Variants in FAM169A observed in about 807,000 individuals in gnomAD.
FAM169A encodes the protein soluble lamin-associated protein of 75 kDa.
A neutral mutation model predicts 75.7 loss-of-function variants in FAM169A; 24 were observed. The ratio of observed to expected loss-of-function variants is 0.32; its 90% CI spans 0.23 to 0.45. The LOEUF (loss-of-function observed/expected upper bound fraction) is 0.45. FAM169A is among the 20% of genes least tolerant of loss of function. The pLI is 1.00. For synonymous variants in FAM169A, 271 were observed against 271.0 expected, an observed-to-expected ratio of 1.00 and a Z score of 0.00; for missense variants, 673 against 784.0, an observed-to-expected ratio of 0.86 and a Z score of 1.69.
chr5:74,781,289 A>C lies in FAM169A; in HGVS notation c.*171T>G. Reference sequence around the variant, plus strand: ...AAAAATAGCCTGGAAAATTAAAAACAATGGTGAATTCTACGTTCTAAAGGG... The same window carrying C: ...AAAAATAGCCTGGAAAATTAAAAACCATGGTGAATTCTACGTTCTAAAGGG... On this transcript the variant is annotated 3_prime_UTR_variant, in exon 13 of 13. Coordinates refer to ENST00000687041, the MANE Select transcript of FAM169A (RefSeq NM_001376049.1). The C allele has an allele frequency of 1.9e-6, 1 of 526,224 alleles. No individual in the cohort carries two copies. Among genetic ancestry groups the C allele is most frequent in the Non-Finnish European group, 3.3e-6 (1 of 304,922 alleles). 32.6% of individuals were successfully genotyped at this position (526,224 alleles called of 1,614,324 possible). A position where few individuals can be genotyped will look rare whatever the true frequency, so the allele number is the denominator to read the frequency against.
At chr5:74,805,523 G>C (rs957978360) in intron 6 of FAM169A, among the ~76,000 whole-genome samples, 15 of 105,624 alleles carry the variant, frequency 1.4e-4, no homozygotes, top group Non-Finnish European at 2.3e-4. Context: ...AATGTGCTTC[G>C]CTTTTTTTTT....
chr5:74,782,213 A>C (rs914199109), intron 12 of FAM169A, among the ~76,000 whole-genome samples: 1 of 152,206 alleles, frequency 6.6e-6, no homozygotes, highest in Non-Finnish European at 1.5e-5. Context: ...TTCACATGGT[A>C]ATTTTAATAC....
intron 4 of FAM169A, 46 bp downstream of exon 4, chr5:74,838,919 T>C (rs745685203): frequency 7.6e-7 from 1 of 1,314,150 alleles, no homozygotes; most frequent in Non-Finnish European, 1.1e-6. Context: ...GGAAACACTG[T>C]GAAATGGCCT....
At chr5:74,788,147 C>T (rs866849484) in intron 11 of FAM169A, among the ~76,000 whole-genome samples, 10 of 152,292 alleles carry the variant, frequency 6.6e-5, no homozygotes, top group Middle Eastern at 3.4e-3. Context: ...GGACCCAAAA[C>T]GTCACTGTGG....
At chr5:74,821,878 A>G (rs143209831) in intron 5 of FAM169A, among the ~76,000 whole-genome samples, 3 of 152,306 alleles carry the variant, frequency 2.0e-5, no homozygotes, top group Admixed American at 6.5e-5. Flanking sequence ...AGAAGATCCA[A>G]TGGCCTCACT....
chr5:74,831,862 C>A (rs1007824378), intron 5 of FAM169A, among the ~76,000 whole-genome samples: 3 of 152,104 alleles, frequency 2.0e-5, no homozygotes, highest in Non-Finnish European at 2.9e-5. Flanking sequence ...TTATGAGACA[C>A]GGACAGATCT....
chr5:74,795,792 T>C (rs62366419), intron 11 of FAM169A, among the ~76,000 whole-genome samples: 12,925 of 152,268 alleles, frequency 0.085, 670 homozygotes, highest in Admixed American at 0.16. Flanking sequence ...ATCTCTATTT[T>C]ATCTTCGATA....
chr5:74,817,969 T>C lies in FAM169A; in HGVS notation c.491-3950A>G, dbSNP rs191587310. Among the ~76,000 whole-genome samples, 7 of 152,298 alleles carry C rather than the reference T, an allele frequency of 4.6e-5. 1 individual carries two copies. The highest frequency in any genetic ancestry group is 4.6e-4 in the Admixed American group (7 of 15,286). ...GATATCCAAATGCAAAATAATGATG[T>C]CAGGTACCTTCCTAGAATCATATAC... On this transcript the variant is annotated intron_variant, in intron 5 of 12. Transcript: ENST00000687041.
At position 74,801,029 on chromosome 5, in the gene FAM169A, A is replaced by C. The variant is rs376658347; in HGVS notation, c.954T>G (p.Gly318=). 3.7e-5 allele frequency: 57 copies of C among 1,538,388 alleles called. 1 individual carries two copies. Among genetic ancestry groups the C allele is most frequent in the Non-Finnish European group, 4.5e-5 (52 of 1,145,052 alleles). ...LKDAFASTSE[G]HDKTSVSTHT... is the part of the protein sequence containing the mutation. Reference sequence around the variant, plus strand: ...GAGTGGAAACAGATGTTTTATCATGACCTGAGGAGAAAAACAGCAAAACTG... The same window carrying C: ...GAGTGGAAACAGATGTTTTATCATGCCCTGAGGAGAAAAACAGCAAAACTG... Residue 318 remains glycine (G), a splice_region_variant and synonymous_variant, in exon 10 of 13, where the codon GGT becomes GGG. Transcript: ENST00000687041.
At chr5:74,819,023 C>T (rs980320056) in intron 5 of FAM169A, among the ~76,000 whole-genome samples, 6 of 152,018 alleles carry the variant, frequency 3.9e-5, no homozygotes, top group East Asian at 1.9e-4. Context: ...AGTTCAAGAC[C>T]GGCGTGGCCA....
intron 1 of FAM169A, among the ~76,000 whole-genome samples, chr5:74,853,761 G>A (rs1386902312): frequency 1.6e-5 from 2 of 129,026 alleles, no homozygotes; most frequent in African/African-American, 6.1e-5. Flanking sequence ...AGGCTGCAGT[G>A]CAGTGGCGCC....
At chr5:74,806,271 C>T (rs1746878883) in intron 6 of FAM169A, among the ~76,000 whole-genome samples, 3 of 152,152 alleles carry the variant, frequency 2.0e-5, no homozygotes, top group Middle Eastern at 6.8e-3. Flanking sequence ...CTACAACTTG[C>T]CAAATGACAG....
At chr5:74,783,485 A>G (rs975556170) in intron 11 of FAM169A, among the ~76,000 whole-genome samples, 3 of 152,168 alleles carry the variant, frequency 2.0e-5, no homozygotes, top group Non-Finnish European at 4.4e-5. Context: ...GAACTTTTTC[A>G]GGAAAAAGGC....
intron 4 of FAM169A, among the ~76,000 whole-genome samples, chr5:74,836,326 GTTT>G (rs61031952): frequency 0.092 from 13,943 of 152,004 alleles, 1,586 homozygotes; most frequent in African/African-American, 0.27. Flanking sequence ...CTTTCTCTTT[GTTT>G]TTTAATTCTG....
intron 6 of FAM169A, among the ~76,000 whole-genome samples, chr5:74,805,547 T>G (rs1238036971): frequency 1.6e-5 from 2 of 124,828 alleles, no homozygotes; most frequent in Non-Finnish European, 3.3e-5. Context: ...TTTTTTTTTT[T>G]GGAGATGGAG....
intron 1 of FAM169A, among the ~76,000 whole-genome samples, chr5:74,860,146 A>G (rs533348868): frequency 3.1e-4 from 47 of 152,370 alleles, no homozygotes; most frequent in Middle Eastern, 3.4e-3. Flanking sequence ...TAGAAACAGC[A>G]AAGTCAGGAT....
At chr5:74,802,434 T>C (rs1178415901) in intron 8 of FAM169A, among the ~76,000 whole-genome samples, 1 of 151,970 alleles carries the variant, frequency 6.6e-6, no homozygotes, top group East Asian at 1.9e-4. Flanking sequence ...CTGCTTAGAA[T>C]ACAAATTCTC....
At chr5:74,787,410 G>A (rs1199866152) in intron 11 of FAM169A, among the ~76,000 whole-genome samples, 3 of 152,202 alleles carry the variant, frequency 2.0e-5, no homozygotes, top group Non-Finnish European at 4.4e-5. Context: ...AGATCCAAAG[G>A]CTTAGAGAGA....
At chr5:74,794,063 G>A (rs1399648052) in intron 11 of FAM169A, among the ~76,000 whole-genome samples, 1 of 150,876 alleles carries the variant, frequency 6.6e-6, no homozygotes, top group Non-Finnish European at 1.5e-5. Context: ...TTTCATGAGG[G>A]TGGGTATGGT....
Sources: gnomAD v4.1 joint callset for allele counts (sites outside exome capture counted in the v4.1 genomes callset) on GRCh38, gnomAD v4.1.1 for gene constraint, MANE v1.5 for transcripts, NCBI Gene and HGNC (gene_info 2026-07-23, HGNC 2026-07-21) for gene names.